The following CIMAP1D variants were observed in gnomAD, a reference collection of about 807,000 sequenced individuals.
CIMAP1D encodes the protein CIMAP1 family member D.
At chr19:469,461 G>A in the CIMAP1D span, among the ~76,000 whole-genome samples, 10 of 152,058 alleles carry the variant, frequency 6.6e-5, no homozygotes, top group African/African-American at 9.7e-5. Flanking sequence ...AGGCTGAGGC[G>A]GGTGGATCAC....
chr19:481,770 CTTTTTT>C, the CIMAP1D span, among the ~76,000 whole-genome samples: 1 of 106,774 alleles, frequency 9.4e-6, no homozygotes. Flanking sequence ...GAACCTCCTA[CTTTTTT>C]TTTTTTTTTT....
the CIMAP1D span, among the ~76,000 whole-genome samples, chr19:470,487 A>G: frequency 6.6e-6 from 1 of 152,232 alleles, no homozygotes; most frequent in East Asian, 1.9e-4. Context: ...CTGGGATTAC[A>G]GGCGTGAGCC....
At chr19:472,338 C>G in the CIMAP1D span, 1 of 1,089,980 alleles carries the variant, frequency 9.2e-7, no homozygotes, top group South Asian at 1.7e-5. Flanking sequence ...ATCAGTGCTC[C>G]TGGGGGGAGA....
the CIMAP1D span, among the ~76,000 whole-genome samples, chr19:468,744 A>G: frequency 6.6e-6 from 1 of 152,196 alleles, no homozygotes; most frequent in Non-Finnish European, 1.5e-5. Flanking sequence ...CCGTCTGTGC[A>G]CACATGCTGT....
At chr19:464,008 C>T in the CIMAP1D span, 2 of 1,609,068 alleles carry the variant, frequency 1.2e-6, no homozygotes, top group Non-Finnish European at 1.7e-6. Flanking sequence ...CCGGGGGTCT[C>T]CTCCAGGGGT....
chr19:485,468 C>T, the CIMAP1D span, among the ~76,000 whole-genome samples: 1 of 152,220 alleles, frequency 6.6e-6, no homozygotes, highest in Non-Finnish European at 1.5e-5. Flanking sequence ...GCTGCCGATC[C>T]AAGTCCCACC....
chr19:466,608 T>G, the CIMAP1D span, among the ~76,000 whole-genome samples: 4 of 130,914 alleles, frequency 3.1e-5, no homozygotes, highest in African/African-American at 1.2e-4. Context: ...GATGGATAGA[T>G]GTTTGGGTGG....
At chr19:491,140 G>A in the CIMAP1D span, among the ~76,000 whole-genome samples, 1 of 151,490 alleles carries the variant, frequency 6.6e-6, no homozygotes, top group Non-Finnish European at 1.5e-5. Context: ...ACCTGAGCAT[G>A]GTGGCACGTG....
chr19:472,916 AAACT>A, the CIMAP1D span, among the ~76,000 whole-genome samples: 2 of 135,788 alleles, frequency 1.5e-5, no homozygotes, highest in Non-Finnish European at 3.2e-5. Context: ...ACAGATGGGG[AAACT>A]GAGGCCTAGG....
chr19:481,658 G>A, the CIMAP1D span, among the ~76,000 whole-genome samples: 3 of 151,974 alleles, frequency 2.0e-5, no homozygotes, highest in Non-Finnish European at 4.4e-5. Context: ...AAGGATAATG[G>A]GAAGGATGAT....
At chr19:480,806 T>C in the CIMAP1D span, among the ~76,000 whole-genome samples, 1 of 98,342 alleles carries the variant, frequency 1.0e-5, no homozygotes, top group Non-Finnish European at 1.8e-5. Context: ...AGAAGGAATG[T>C]AGGAAGGATG....
the CIMAP1D span, among the ~76,000 whole-genome samples, chr19:484,560 GC>G: frequency 2.0e-5 from 3 of 152,234 alleles, no homozygotes; most frequent in Admixed American, 1.3e-4. Flanking sequence ...GGCCAGGAAG[GC>G]CCCCTGAAGA....
the CIMAP1D span, among the ~76,000 whole-genome samples, chr19:484,753 G>A: frequency 6.6e-6 from 1 of 152,206 alleles, no homozygotes; most frequent in Non-Finnish European, 1.5e-5. Context: ...GAGGAGGGGA[G>A]AGCAGGAGGA....
the CIMAP1D span, chr19:464,148 G>C: frequency 4.0e-5 from 24 of 599,688 alleles, no homozygotes; most frequent in Middle Eastern, 4.2e-4. Flanking sequence ...GGCGGGGGGG[G>C]TGCGGCCCAC....
chr19:466,127 G>C, the CIMAP1D span, among the ~76,000 whole-genome samples: 1 of 145,376 alleles, frequency 6.9e-6, no homozygotes, highest in Non-Finnish European at 1.5e-5. Context: ...ATGGGTGGGT[G>C]GGTGGATGGA....
At chr19:477,311 T>C in the CIMAP1D span, among the ~76,000 whole-genome samples, 1 of 152,346 alleles carries the variant, frequency 6.6e-6, no homozygotes, top group Non-Finnish European at 1.5e-5. Flanking sequence ...CTGTGGCTCA[T>C]GCCTGTAATC....
the CIMAP1D span, chr19:467,822 C>T: frequency 8.9e-7 from 1 of 1,122,562 alleles, no homozygotes; most frequent in Non-Finnish European, 1.3e-6. Flanking sequence ...GCCCCACCGC[C>T]CGGCCTCAGT....
chr19:484,867 G>T, the CIMAP1D span, among the ~76,000 whole-genome samples: 2 of 152,172 alleles, frequency 1.3e-5, no homozygotes, highest in South Asian at 2.1e-4. Flanking sequence ...GCCTCTGCTG[G>T]AGCAGAGGAG....
chr19:477,262 T>C, the CIMAP1D span, among the ~76,000 whole-genome samples: 33,347 of 152,056 alleles, frequency 0.22, 8,349 homozygotes, highest in African/African-American at 0.61. Context: ...TAGAAATCCA[T>C]GAAATTGAAA....
Sources: allele counts gnomAD v4.1 joint callset (sites outside exome capture counted in the v4.1 genomes callset), GRCh38; gene constraint gnomAD v4.1.1; transcripts MANE v1.5; gene names NCBI Gene and HGNC (gene_info 2026-07-23, HGNC 2026-07-21).